Variants in EDIL3 observed in about 807,000 individuals in gnomAD.
The protein encoded by EDIL3 is EGF like and discoidin domains 3.
In EDIL3, 37 loss-of-function variants were observed where a neutral mutation model predicts 67.4. That is an observed-to-expected ratio of 0.55 (90% CI 0.42 to 0.72). The LOEUF is 0.72. Ranked by LOEUF, EDIL3 falls within the 30% of genes least tolerant of loss-of-function variation. The pLI is 0.00. For missense variants in EDIL3, 527 were observed against 586.3 expected, an observed-to-expected ratio of 0.90 and a Z score of 1.04; for synonymous variants, 195 against 196.3, an observed-to-expected ratio of 0.99 and a Z score of 0.05.
intron 9 of EDIL3, among the ~76,000 whole-genome samples, chr5:84,027,627 T>C (rs1012452190): frequency 6.8e-6 from 1 of 146,832 alleles, no homozygotes; most frequent in Non-Finnish European, 1.5e-5. Flanking sequence ...TTTGGGAAAA[T>C]AGGGACACTT....
At chr5:84,294,910 C>T (rs1191572016) in intron 1 of EDIL3, among the ~76,000 whole-genome samples, 4 of 152,168 alleles carry the variant, frequency 2.6e-5, no homozygotes, top group African/African-American at 9.7e-5. Flanking sequence ...TCAACAACAA[C>T]TACACTTGAA....
chr5:84,119,452 C>A (rs950589239), intron 5 of EDIL3, among the ~76,000 whole-genome samples: 2 of 151,932 alleles, frequency 1.3e-5, no homozygotes, highest in Non-Finnish European at 2.9e-5. Flanking sequence ...AGATAAAAAT[C>A]TCTGCCTGGG....
intron 1 of EDIL3, among the ~76,000 whole-genome samples, chr5:84,313,623 C>A (rs1746449620): frequency 6.6e-6 from 1 of 152,128 alleles, no homozygotes; most frequent in Non-Finnish European, 1.5e-5. Context: ...GGTGGTAACT[C>A]CCAAGAGCCA....
chr5:84,236,714 T>C (rs1744690248), intron 2 of EDIL3, among the ~76,000 whole-genome samples: 1 of 152,076 alleles, frequency 6.6e-6, no homozygotes, highest in Admixed American at 6.6e-5. Flanking sequence ...TGAGTAAATA[T>C]TTTTGGAAAG....
At chr5:84,156,245 C>A (rs1416408101) in intron 4 of EDIL3, among the ~76,000 whole-genome samples, 1 of 152,154 alleles carries the variant, frequency 6.6e-6, no homozygotes, top group Non-Finnish European at 1.5e-5. Flanking sequence ...AAGAGGAGGG[C>A]AACCAGGACA....
intron 9 of EDIL3, among the ~76,000 whole-genome samples, chr5:83,980,660 C>A (rs574001191): frequency 1.4e-5 from 2 of 138,260 alleles, no homozygotes; most frequent in African/African-American, 5.4e-5. Context: ...TGCACTGAAG[C>A]CTGGTGAAAG....
chr5:84,238,665 G>GTTT (rs3046880), intron 2 of EDIL3, among the ~76,000 whole-genome samples: 7,774 of 100,688 alleles, frequency 0.077, 837 homozygotes, highest in Middle Eastern at 0.14. Flanking sequence ...AAAATTAAAT[G>GTTT]TTTTTTTTTT....
chr5:84,334,216 C>A (rs1746938983), intron 1 of EDIL3, among the ~76,000 whole-genome samples: 1 of 151,860 alleles, frequency 6.6e-6, no homozygotes, highest in Non-Finnish European at 1.5e-5. Context: ...CACCCACCAC[C>A]ACACGCGCCT....
At chr5:84,331,441 G>A (rs1191106194) in intron 1 of EDIL3, among the ~76,000 whole-genome samples, 2 of 152,144 alleles carry the variant, frequency 1.3e-5, no homozygotes, top group East Asian at 1.9e-4. Flanking sequence ...TTACCCTCAT[G>A]CTTTTCTCAT....
intron 9 of EDIL3, among the ~76,000 whole-genome samples, chr5:84,042,062 A>G (rs778537295): frequency 1.3e-5 from 2 of 152,176 alleles, no homozygotes; most frequent in Admixed American, 1.3e-4. Context: ...GTAATCATAT[A>G]CACCCAATGC....
At chr5:84,150,787 A>G (rs1580350551) in intron 4 of EDIL3, among the ~76,000 whole-genome samples, 1 of 152,200 alleles carries the variant, frequency 6.6e-6, no homozygotes, top group Admixed American at 6.5e-5. Flanking sequence ...TTTATCCAAG[A>G]CAAATGAGAG....
chr5:84,065,796 T>G (rs1746628849), intron 7 of EDIL3, among the ~76,000 whole-genome samples: 1 of 152,160 alleles, frequency 6.6e-6, no homozygotes, highest in South Asian at 2.1e-4. Context: ...ATAGTTTTCA[T>G]TAATATAATA....
intron 9 of EDIL3, among the ~76,000 whole-genome samples, chr5:83,990,618 C>T (rs934889483): frequency 3.3e-5 from 5 of 151,650 alleles, no homozygotes; most frequent in African/African-American, 1.2e-4. Flanking sequence ...CGGTGGCTCA[C>T]GCCTGTAATC....
At chr5:83,952,288 A>G (rs1210515117) in intron 10 of EDIL3, among the ~76,000 whole-genome samples, 1 of 151,834 alleles carries the variant, frequency 6.6e-6, no homozygotes, top group African/African-American at 2.4e-5. Context: ...TAGGTAGGAT[A>G]CACCACCATA....
intron 1 of EDIL3, among the ~76,000 whole-genome samples, chr5:84,303,658 T>G (rs2057804600): frequency 6.6e-6 from 1 of 152,234 alleles, no homozygotes. Context: ...GAATAATTTT[T>G]AATTTCAAAA....
intron 1 of EDIL3, among the ~76,000 whole-genome samples, chr5:84,269,548 G>A (rs1049024653): frequency 3.9e-5 from 6 of 152,072 alleles, no homozygotes; most frequent in African/African-American, 9.7e-5. Context: ...ATTTATATTA[G>A]TGTAAGCAAT....
chr5:84,175,301 GAGCTAC>G (rs1165417571), intron 4 of EDIL3, among the ~76,000 whole-genome samples: 1 of 152,064 alleles, frequency 6.6e-6, no homozygotes, highest in Non-Finnish European at 1.5e-5. Flanking sequence ...GAAAAGTATG[GAGCTAC>G]ATAGTGAGCC....
At chr5:84,055,154 A>G (rs1453322008) in intron 9 of EDIL3, among the ~76,000 whole-genome samples, 7 of 146,022 alleles carry the variant, frequency 4.8e-5, no homozygotes, top group African/African-American at 1.9e-4. Context: ...AAATAATAAC[A>G]CACATCTACA....
Position 84,064,661 on chromosome 5 carries a change from C to T in EDIL3, c.952+39G>A, listed in dbSNP as rs1319343937. ...TACATACAAATATGCTTTTTGTTTT[C>T]TTTAAATAGAATACAGAAATAGTTA... On this transcript the variant is annotated intron_variant, in intron 8 of 10. Coordinates refer to ENST00000296591, the MANE Select transcript of EDIL3 (RefSeq NM_005711.5). 9 of 1,574,320 alleles carry T rather than the reference C, an allele frequency of 5.7e-6. No individual in the cohort carries two copies. In the Admixed American group the frequency reaches 9.3e-5, roughly 16 times the overall value.
Sources: gnomAD v4.1 joint callset for allele counts (sites outside exome capture counted in the v4.1 genomes callset) on GRCh38, gnomAD v4.1.1 for gene constraint, MANE v1.5 for transcripts, NCBI Gene and HGNC (gene_info 2026-07-23, HGNC 2026-07-21) for gene names.